The following TULP3 variants were observed in gnomAD, a reference collection of about 807,000 sequenced individuals.
TULP3 encodes TUB like protein 3.
In TULP3, 38 loss-of-function variants were observed where a neutral mutation model predicts 50.7. That is an observed-to-expected ratio of 0.75 (90% CI 0.58 to 0.98). TULP3 has a LOEUF of 0.98. Ranked by LOEUF, TULP3 falls within the 50% of genes least tolerant of loss-of-function variation. TULP3 has a pLI of 0.00. For missense variants in TULP3, 550 were observed against 568.0 expected, an observed-to-expected ratio of 0.97 and a Z score of 0.32; for synonymous variants, 183 against 196.6, an observed-to-expected ratio of 0.93 and a Z score of 0.58.
At chr12:2,901,955 A>G (rs150020140) in intron 1 of TULP3, among the ~76,000 whole-genome samples, 65 of 152,336 alleles carry the variant, frequency 4.3e-4, no homozygotes, top group African/African-American at 1.5e-3. Context: ...AAGCATGAAT[A>G]ACTAGATTTA....
In TULP3 at chr12:2,917,713, T is replaced by C. The variant is rs529802389; in HGVS notation, c.94-3050T>C. On this transcript the variant is annotated intron_variant, in intron 2 of 10. Coordinates refer to ENST00000448120, the MANE Select transcript of TULP3 (RefSeq NM_003324.5). ...CAACACGGTGAAACCTCATCTTTAC[T>C]AAAAATACAAAAAATTAGCCGGGCG... 4.0e-5 allele frequency among the ~76,000 whole-genome samples: 6 copies of C among 151,384 alleles called. 1 individual carries two copies. The East Asian group carries it at 1.2e-3, about 30-fold the overall frequency.
chr12:2,907,639 C>G (rs1203948831), intron 1 of TULP3, among the ~76,000 whole-genome samples: 1 of 138,214 alleles, frequency 7.2e-6, no homozygotes, highest in Non-Finnish European at 1.5e-5. Flanking sequence ...GAGAGAGAGA[C>G]TCTGTCTCAA....
intron 4 of TULP3, among the ~76,000 whole-genome samples, chr12:2,928,303 G>A (rs1347199217): frequency 6.6e-6 from 1 of 152,160 alleles, no homozygotes; most frequent in Non-Finnish European, 1.5e-5. Context: ...GGCTTAGGCG[G>A]ACAGATCACC....
At chr12:2,929,077 G>A (rs1163725763) in intron 4 of TULP3, among the ~76,000 whole-genome samples, 1 of 151,778 alleles carries the variant, frequency 6.6e-6, no homozygotes, top group East Asian at 1.9e-4. Flanking sequence ...TAAGAGTTCG[G>A]GTGGGCCGAG....
At position 2,939,478 on chromosome 12, in the gene TULP3, A is replaced by G. The variant is rs1408462623; in HGVS notation, c.*34A>G. On this transcript the variant is annotated 3_prime_UTR_variant, in exon 11 of 11. Transcript: ENST00000448120. This position sits in a 1 kb window ranked among gnomAD's most constrained non-coding sequence, Gnocchi z 4.0. ...TCAGGCAGGGAGCCCTTCTCCCCAC[A>G]GAGCTTTCAGGAGCAGACAGTGGCC... 1 of 1,612,406 alleles carries G rather than the reference A, an allele frequency of 6.2e-7. No homozygotes were observed. Among genetic ancestry groups the G allele is most frequent in the Non-Finnish European group, 8.5e-7 (1 of 1,179,300 alleles).
chr12:2,895,925 A>C (rs1385973457), intron 1 of TULP3, among the ~76,000 whole-genome samples: 1 of 150,764 alleles, frequency 6.6e-6, no homozygotes, highest in Non-Finnish European at 1.5e-5. Flanking sequence ...TAAACATAGC[A>C]AAGGTACAGT....
intron 4 of TULP3, among the ~76,000 whole-genome samples, chr12:2,924,979 C>T (rs780832138): frequency 1.6e-4 from 24 of 152,156 alleles, no homozygotes; most frequent in Admixed American, 2.0e-4. Flanking sequence ...AGATCAAGAC[C>T]ATCCTGGCTA....
At chr12:2,901,149 G>A (rs1003202366) in intron 1 of TULP3, among the ~76,000 whole-genome samples, 1 of 150,912 alleles carries the variant, frequency 6.6e-6, no homozygotes, top group African/African-American at 2.4e-5. Flanking sequence ...AAGGGTCTCT[G>A]TTCCCCAGGC....
intron 9 of TULP3, 52 bp from the exon 10 acceptor site, chr12:2,938,062 C>T (rs760853588): frequency 3.1e-5 from 49 of 1,588,308 alleles, no homozygotes; most frequent in Non-Finnish European, 4.0e-5. Flanking sequence ...CTACCTTCTA[C>T]CTCGTAGAGT....
chr12:2,901,952 A>T (rs1164917758), intron 1 of TULP3, among the ~76,000 whole-genome samples: 1 of 152,208 alleles, frequency 6.6e-6, no homozygotes, highest in Admixed American at 6.5e-5. Flanking sequence ...AATAAGCATG[A>T]ATAACTAGAT....
chr12:2,892,856 C>A (rs550755758), intron 1 of TULP3, among the ~76,000 whole-genome samples: 24 of 147,716 alleles, frequency 1.6e-4, no homozygotes, highest in South Asian at 8.5e-4. Flanking sequence ...ATTTTATTTT[C>A]TTTTCTTTTA....
intron 1 of TULP3, among the ~76,000 whole-genome samples, chr12:2,901,642 C>T (rs776015638): frequency 6.6e-6 from 1 of 151,868 alleles, no homozygotes; most frequent in Non-Finnish European, 1.5e-5. Context: ...CTCAGCCTCC[C>T]GAAGTGCTGG....
chr12:2,912,837 ATAG>A (rs918384656), intron 2 of TULP3, among the ~76,000 whole-genome samples: 21 of 152,304 alleles, frequency 1.4e-4, no homozygotes, highest in South Asian at 6.2e-4. Flanking sequence ...TTAAAATATG[ATAG>A]TAGGATTAAT....
At chr12:2,914,975 A>G (rs1421331736) in intron 2 of TULP3, among the ~76,000 whole-genome samples, 1 of 150,868 alleles carries the variant, frequency 6.6e-6, no homozygotes, top group Admixed American at 6.6e-5. Context: ...AGCAAGCTGC[A>G]GAATGGATTT....
intron 1 of TULP3, among the ~76,000 whole-genome samples, chr12:2,898,474 T>C: frequency 6.6e-6 from 1 of 152,140 alleles, no homozygotes; most frequent in East Asian, 1.9e-4. Context: ...CAGTAGTCCT[T>C]TTCTGCGAAG....
At chr12:2,914,056 A>G (rs947085398) in intron 2 of TULP3, among the ~76,000 whole-genome samples, 2 of 151,262 alleles carry the variant, frequency 1.3e-5, no homozygotes, top group South Asian at 2.1e-4. Flanking sequence ...CACCTCAAAC[A>G]TTTGTCATTT....
chr12:2,903,632 A>T (rs373680806), intron 1 of TULP3, among the ~76,000 whole-genome samples: 1 of 152,212 alleles, frequency 6.6e-6, no homozygotes. Context: ...CAGTTGATAA[A>T]CCTATGCCCT....
chr12:2,916,190 A>G (rs1423423085), intron 2 of TULP3, among the ~76,000 whole-genome samples: 3 of 151,800 alleles, frequency 2.0e-5, no homozygotes, highest in Non-Finnish European at 4.4e-5. Context: ...TTGCATTTTT[A>G]GTAGAGATGG....
intron 1 of TULP3, among the ~76,000 whole-genome samples, chr12:2,902,826 G>A (rs1346777006): frequency 3.3e-5 from 5 of 150,976 alleles, no homozygotes; most frequent in African/African-American, 1.2e-4. Context: ...GAAATACTGT[G>A]TGAGCATAAT....
Sources: gnomAD v4.1 joint callset for allele counts (sites outside exome capture counted in the v4.1 genomes callset) on GRCh38, gnomAD v4.1.1 for gene constraint, Gnocchi (gnomAD v3.1) non-coding constraint, MANE v1.5 for transcripts, NCBI Gene and HGNC (gene_info 2026-07-23, HGNC 2026-07-21) for gene names.